The following NUP133 variants were observed in gnomAD, a reference collection of about 807,000 sequenced individuals.
NUP133 encodes nucleoporin 133, also known as nuclear pore complex protein Nup133.
Under a neutral mutation model 146.2 loss-of-function variants are expected in NUP133, and 66 were observed. The ratio of observed to expected loss-of-function variants is 0.45; its 90% CI spans 0.37 to 0.55. NUP133 has a LOEUF of 0.55. NUP133 is among the 20% of genes least tolerant of loss of function. The pLI is 0.00. For synonymous variants in NUP133, 521 were observed against 498.8 expected (o/e 1.04, Z -0.59); for missense variants, 1,277 against 1,374.8 (o/e 0.93, Z 1.12).
rs376867486 is a variant in NUP133, at chr1:229,470,789, G to A, written c.1867C>T (p.Arg623Cys). Reference protein sequence around the residue: ...DFIHQVGLFGRLGSFPVRGTP... With the variant: ...DFIHQVGLFGCLGSFPVRGTP... Reference sequence around the variant, plus strand: ...CCTCTAACTGGAAAACTGCCTAGACGTCCAAATAAGCCAACCTTGCAAAAA... The same window carrying A: ...CCTCTAACTGGAAAACTGCCTAGACATCCAAATAAGCCAACCTTGCAAAAA... Residue 623 changes from arginine to cysteine, a missense_variant, in exon 15 of 26, where the codon CGT (arginine) becomes TGT (cysteine). By Grantham distance (180) the Arg-to-Cys change is radical. This residue lies in a region of NUP133 where 952 missense variants were observed against 1,047.0 expected (regional missense o/e 0.91). Transcript: ENST00000261396. 9 of 1,613,692 alleles carry A rather than the reference G, an allele frequency of 5.6e-6. No homozygotes were observed. Among genetic ancestry groups the A allele is most frequent in the Admixed American group, 1.7e-5 (1 of 59,994 alleles).
Position 229,495,513 on chromosome 1 carries a change from A to C in NUP133, c.1028T>G (p.Leu343Trp). The C allele has an allele frequency of 6.2e-7, 1 of 1,612,260 alleles. No individual in the cohort carries two copies. Among genetic ancestry groups the C allele is most frequent in the East Asian group, 2.2e-5 (1 of 44,856 alleles). ...TGCTTACCAGTTTTGCTTCAAGTCC[A>C]AATATCGAATGTTGACTCCTTCTTT... ...AIKEGVNIRY[L>W]DLKQNCDGLV... is the part of the protein sequence containing the mutation. Residue 343 changes from leucine (L) to tryptophan (W), a missense_variant, in exon 8 of 26, where the codon TTG becomes TGG. Around this residue, in one of 3 missense-constraint regions of NUP133, gnomAD observed 952 missense variants for 1,047.0 expected, o/e 0.91. Coordinates refer to ENST00000261396, the MANE Select transcript of NUP133 (RefSeq NM_018230.3).
In NUP133 at chr1:229,479,267, C is replaced by T. The variant is rs180893428; in HGVS notation, c.1593-1507G>A. On this transcript the variant is annotated intron_variant, in intron 12 of 25. Coordinates refer to ENST00000261396, the MANE Select transcript of NUP133 (RefSeq NM_018230.3). ...TGCATAAGCAAGTGAATTTCTGATCCGCATTTGGTTGAAAACATGCTGTGA... is the reference window on the plus strand; with the variant it reads ...TGCATAAGCAAGTGAATTTCTGATCTGCATTTGGTTGAAAACATGCTGTGA... Among the ~76,000 whole-genome samples, 55 of 152,244 alleles carry T rather than the reference C, an allele frequency of 3.6e-4. 1 individual carries two copies. The highest frequency in any genetic ancestry group is 1.7e-3 in the Admixed American group (26 of 15,282).
chr1:229,474,098 C>G (rs1481870632), intron 14 of NUP133, among the ~76,000 whole-genome samples: 1 of 152,178 alleles, frequency 6.6e-6, no homozygotes, highest in East Asian at 1.9e-4. Flanking sequence ...GGAAGCCAGT[C>G]CAGCCCAGAG....
chr1:229,490,419 A>T (rs6703347), intron 8 of NUP133, among the ~76,000 whole-genome samples: 28,623 of 151,178 alleles, frequency 0.19, 2,902 homozygotes, highest in Middle Eastern at 0.25. Context: ...AAAAAAAAAA[A>T]TACTGAATGA....
intron 23 of NUP133, 51 bp downstream of exon 23, chr1:229,450,474 T>C: frequency 2.1e-6 from 2 of 933,382 alleles, no homozygotes; most frequent in South Asian, 3.3e-5. Flanking sequence ...ATCTCCCTCT[T>C]TTTATATATG....
chr1:229,455,807 C>A (rs867530791), intron 21 of NUP133, among the ~76,000 whole-genome samples: 4 of 152,052 alleles, frequency 2.6e-5, no homozygotes, highest in African/African-American at 9.7e-5. Flanking sequence ...AACCACAATA[C>A]GATTATCAGG....
At chr1:229,504,077 A>G (rs1661875491) in intron 2 of NUP133, among the ~76,000 whole-genome samples, 1 of 152,146 alleles carries the variant, frequency 6.6e-6, no homozygotes, top group Non-Finnish European at 1.5e-5. Flanking sequence ...AAGGACCTAC[A>G]GGCAAGATGT....
rs374713435 is a variant in NUP133, at chr1:229,508,073, G to A, written c.177C>T (p.Ser59=). The A allele has an allele frequency of 6.7e-7, 1 of 1,494,916 alleles. No individual in the cohort carries two copies. Among genetic ancestry groups the A allele is most frequent in the Non-Finnish European group, 8.9e-7 (1 of 1,120,344 alleles). 92.6% of individuals were successfully genotyped at this position (1,494,916 alleles called of 1,614,324 possible). ...CAACCAGGGAGATCACTTACCGCGA[G>A]CTTAGCGAGCTACGCCGGCCGACCG... The part of the protein sequence containing the change: ...FSPVGRRSSL[S]SRGTPTRMFP... The change falls in exon 1 of 26, where the codon AGC becomes AGT. Residue 59 remains serine, a synonymous_variant. Coordinates refer to ENST00000261396, the MANE Select transcript of NUP133 (RefSeq NM_018230.3).
rs1326908984 is a variant in NUP133, at chr1:229,463,694, G to A, written c.2552-18C>T. On this transcript the variant is annotated intron_variant, in intron 18 of 25. Transcript: ENST00000261396. Reference sequence around the variant, plus strand: ...TAGTGAAACTGTGGGAATGAGAAAAGATGGGAAAAAATCCTGTTAGCAAAA... The same window carrying A: ...TAGTGAAACTGTGGGAATGAGAAAAAATGGGAAAAAATCCTGTTAGCAAAA... 1.3e-6 allele frequency: 2 copies of A among 1,575,580 alleles called. No individual in the cohort carries two copies. Among genetic ancestry groups the A allele is most frequent in the Admixed American group, 2.1e-5 (1 of 48,546 alleles).
intron 21 of NUP133, among the ~76,000 whole-genome samples, chr1:229,457,031 T>A (rs1342124601): frequency 6.6e-6 from 1 of 151,900 alleles, no homozygotes; most frequent in Non-Finnish European, 1.5e-5. Flanking sequence ...TGTTACTAAG[T>A]TGCCTAGGCT....
chr1:229,465,095 C>T (rs1327537742), intron 17 of NUP133, among the ~76,000 whole-genome samples: 1 of 152,174 alleles, frequency 6.6e-6, no homozygotes, highest in Non-Finnish European at 1.5e-5. Flanking sequence ...CTTCTAAATT[C>T]CTTTAATGCT....
At chr1:229,496,458 G>A (rs903190275) in intron 6 of NUP133, among the ~76,000 whole-genome samples, 3 of 152,106 alleles carry the variant, frequency 2.0e-5, no homozygotes, top group African/African-American at 7.2e-5. Context: ...TGGCGACAGA[G>A]TGAGATTCCA....
chr1:229,483,167 T>C (rs1198988388), intron 12 of NUP133, among the ~76,000 whole-genome samples: 1 of 152,214 alleles, frequency 6.6e-6, no homozygotes, highest in Non-Finnish European at 1.5e-5. Context: ...GGTGTGATTA[T>C]GGCTCACAGT....
chr1:229,442,110 T>C, intron 25 of NUP133, 70 bp from the exon 26 acceptor site: 4 of 1,427,024 alleles, frequency 2.8e-6, no homozygotes, highest in African/African-American at 1.5e-5. Context: ...TGATGATTGA[T>C]GACAAAAGCA....
intron 21 of NUP133, among the ~76,000 whole-genome samples, chr1:229,454,872 G>A (rs1202528387): frequency 3.3e-5 from 5 of 151,858 alleles, no homozygotes; most frequent in Non-Finnish European, 7.4e-5. Context: ...AAAATAAAAA[G>A]ATTGAAGGAA....
At chr1:229,495,647 A>G in intron 7 of NUP133, 82 bp from the exon 8 acceptor site, 1 of 1,076,654 alleles carries the variant, frequency 9.3e-7, no homozygotes, top group Non-Finnish European at 1.4e-6. Flanking sequence ...TACCTAGTGA[A>G]GTGCTTCACC....
At position 229,461,781 on chromosome 1, in the gene NUP133, AAGAG is replaced by A. The variant is rs1160047550; in HGVS notation, c.2686-1016_2686-1013del. Among the ~76,000 whole-genome samples the A allele has an allele frequency of 2.0e-5, 3 of 152,366 alleles. No individual in the cohort carries two copies. The East Asian group carries it at 5.8e-4, about 29-fold the overall frequency. On this transcript the variant is annotated intron_variant, in intron 19 of 25. Transcript: ENST00000261396. ...AAGAAAAAATGCAAAAATGCATGAA[AAGAG>A]AAAGAAAATCCATAAAAATAATTTT...
At chr1:229,446,590 T>C (rs926839206) in intron 24 of NUP133, among the ~76,000 whole-genome samples, 1 of 151,378 alleles carries the variant, frequency 6.6e-6, no homozygotes, top group Non-Finnish European at 1.5e-5. Context: ...AAAAATTAGC[T>C]GGGTGTGGTG....
At position 229,508,052 on chromosome 1, in the gene NUP133, C is replaced by G. The variant is rs1661990816; in HGVS notation, c.182+16G>C. 1.4e-6 allele frequency: 2 copies of G among 1,474,072 alleles called. No homozygotes were observed. Among genetic ancestry groups the G allele is most frequent in the Non-Finnish European group, 1.8e-6 (2 of 1,109,304 alleles). The allele number at this position is 1,474,072 out of a possible 1,614,324, so 91.3% of individuals were successfully genotyped here. A position where few individuals can be genotyped will look rare whatever the true frequency, so the allele number is the denominator to read the frequency against. On this transcript the variant is annotated intron_variant, in intron 1 of 25. Coordinates refer to ENST00000261396, the MANE Select transcript of NUP133 (RefSeq NM_018230.3). ...GAGGCTGTTGGTTGCCAGACCCAAC[C>G]AGGGAGATCACTTACCGCGAGCTTA...
Sources: allele counts gnomAD v4.1 joint callset (sites outside exome capture counted in the v4.1 genomes callset), GRCh38; gene constraint gnomAD v4.1.1; regional missense constraint gnomAD v4.1.1; transcripts MANE v1.5; gene names NCBI Gene and HGNC (gene_info 2026-07-23, HGNC 2026-07-21).